DLC1: variants seen among roughly 807,000 people sequenced by gnomAD.
DLC1 encodes rho GTPase-activating protein 7.
In DLC1, 54 loss-of-function variants were observed where a neutral mutation model predicts 140.3. The ratio of observed to expected loss-of-function variants is 0.38; its 90% CI spans 0.31 to 0.48. The LOEUF is 0.48. DLC1 is among the 20% of genes least tolerant of loss of function. DLC1 has a pLI of 0.96. For synonymous variants in DLC1, 986 were observed against 728.1 expected (o/e 1.35, Z -5.70); for missense variants, 2,536 against 1,907.0 (o/e 1.33, Z -6.14).
intron 5 of DLC1, among the ~76,000 whole-genome samples, chr8:13,263,729 T>C (rs541095730): frequency 2.0e-4 from 31 of 151,658 alleles, no homozygotes; most frequent in African/African-American, 7.0e-4. Context: ...AAAGAAAATG[T>C]TCTACCACTT....
At chr8:13,250,577 T>A (rs1291290836) in intron 5 of DLC1, among the ~76,000 whole-genome samples, 1 of 152,214 alleles carries the variant, frequency 6.6e-6, no homozygotes, top group African/African-American at 2.4e-5. Context: ...GAGGATATTT[T>A]AATAATACCA....
intron 5 of DLC1, among the ~76,000 whole-genome samples, chr8:13,197,591 C>T (rs1210892704): frequency 1.3e-5 from 2 of 152,074 alleles, no homozygotes; most frequent in Admixed American, 6.6e-5. Context: ...TGTGATCCTC[C>T]TGCCTCGGCG....
chr8:13,156,515 T>C (rs1824271965), intron 5 of DLC1, among the ~76,000 whole-genome samples: 1 of 152,226 alleles, frequency 6.6e-6, no homozygotes, highest in Admixed American at 6.5e-5. Flanking sequence ...TGGCAAAACC[T>C]ATCAAATATT....
At chr8:13,519,202 A>C (rs1272434565), upstream of DLC1, among the ~76,000 whole-genome samples, 1 of 140,880 alleles carries the variant, frequency 7.1e-6, no homozygotes, top group Non-Finnish European at 1.5e-5. Flanking sequence ...ATCTCGGCTC[A>C]CTGCAAGCTC....
chr8:13,161,513 T>C (rs1824695449), intron 5 of DLC1, among the ~76,000 whole-genome samples: 1 of 152,122 alleles, frequency 6.6e-6, no homozygotes, highest in African/African-American at 2.4e-5. Flanking sequence ...GCTAATTTTT[T>C]ACTTTTTGGT....
Position 13,095,165 on chromosome 8 carries a change from T to G in DLC1, c.3248A>C (p.Asn1083Thr). 1 of 1,614,266 alleles carries G rather than the reference T, an allele frequency of 6.2e-7. No homozygotes were observed. Among genetic ancestry groups the G allele is most frequent in the African/African-American group, 1.3e-5 (1 of 75,074 alleles). ...RSVFGVPLTV[N>T]VQRTGQPLPQ... The stretch of plus-strand genomic sequence containing the variant: ...CAACGGTTGTCCTGTGCGCTGCACG[T>G]TGACCGTCAGTGGGACCCCAAACAC... The change falls in exon 11 of 18, where the codon AAC (asparagine) becomes ACC (threonine). Residue 1083 changes from asparagine (N) to threonine (T), a missense_variant. Transcript: ENST00000276297.
At chr8:13,164,049 C>T (rs149660178) in intron 5 of DLC1, among the ~76,000 whole-genome samples, 3,331 of 152,154 alleles carry the variant, frequency 0.022, 121 homozygotes, top group African/African-American at 0.074. Context: ...GCAATCCCAG[C>T]GCTTTGGGAG....
At chr8:13,384,918 C>T (rs1319919328) in intron 4 of DLC1, among the ~76,000 whole-genome samples, 3 of 139,942 alleles carry the variant, frequency 2.1e-5, no homozygotes, top group Admixed American at 7.3e-5. Flanking sequence ...AGAGGCTGGA[C>T]ATAAAAAAAA....
At chr8:13,604,224 C>G (rs1247991272) in intron 1 of DLC1, among the ~76,000 whole-genome samples, 1 of 152,022 alleles carries the variant, frequency 6.6e-6, no homozygotes, top group Non-Finnish European at 1.5e-5. Flanking sequence ...AATCATCTCT[C>G]CAAAAAATTA....
chr8:13,285,803 A>G (rs1159124942), intron 5 of DLC1, among the ~76,000 whole-genome samples: 1 of 152,112 alleles, frequency 6.6e-6, no homozygotes, highest in Non-Finnish European at 1.5e-5. Flanking sequence ...TACTAAAGAT[A>G]TATAAAAATA....
rs1474587693 is a variant in DLC1, at chr8:13,453,418, ATATATGTG to A, written c.1023+45623_1023+45630del. 1.1e-3 allele frequency among the ~76,000 whole-genome samples: 48 copies of A among 44,224 alleles called. 4 individuals carry two copies. Among genetic ancestry groups the A allele is most frequent in the African/African-American group, 3.3e-3 (26 of 7,948 alleles). The allele number at this position is 44,224 out of a possible 152,430, so 29.0% of individuals were successfully genotyped here. A position where few individuals can be genotyped will look rare whatever the true frequency, so the allele number is the denominator to read the frequency against. ...TATATATATGTGTATATATATATAT[ATATATGTG>A]TATATATATATGTATATATATACAT... On this transcript the variant is annotated intron_variant, in intron 2 of 17. Transcript: ENST00000276297.
At chr8:13,256,492 C>A (rs1043752057) in intron 5 of DLC1, among the ~76,000 whole-genome samples, 5 of 152,098 alleles carry the variant, frequency 3.3e-5, no homozygotes, top group African/African-American at 1.2e-4. Flanking sequence ...CAGTGATAGA[C>A]TGGATAAAGA....
chr8:13,276,363 A>AG, intron 5 of DLC1: 2 of 1,522,606 alleles, frequency 1.3e-6, no homozygotes, highest in East Asian at 2.6e-5. Flanking sequence ...AGGGGCTCGC[A>AG]GGGGGCGCGC....
chr8:13,158,787 T>G (rs1824460417), intron 5 of DLC1, among the ~76,000 whole-genome samples: 1 of 140,016 alleles, frequency 7.1e-6, no homozygotes, highest in South Asian at 2.5e-4. Flanking sequence ...CTCTGTCTTA[T>G]TTTTCTTTGA....
chr8:13,413,256 A>ACTTTTTTTTTTT (rs1491415150), intron 2 of DLC1, among the ~76,000 whole-genome samples: 5 of 82,022 alleles, frequency 6.1e-5, no homozygotes, highest in Admixed American at 1.4e-4. Flanking sequence ...TTTTTTTGCG[A>ACTTTTTTTTTTT]TTTTTTTTTT....
chr8:13,477,689 T>C (rs1211427528), intron 2 of DLC1, among the ~76,000 whole-genome samples: 2 of 152,128 alleles, frequency 1.3e-5, no homozygotes, highest in Non-Finnish European at 2.9e-5. Context: ...ATTTATCATA[T>C]CACTTCTACA....
Position 13,108,668 on chromosome 8 carries a change from G to A in DLC1, c.1502+2074C>T, listed in dbSNP as rs531499347. On this transcript the variant is annotated intron_variant, in intron 7 of 17. Coordinates refer to ENST00000276297, the MANE Select transcript of DLC1 (RefSeq NM_182643.3). ...ACCCAAGAATTCCTAAGCTATTGCT[G>A]CTGTCCAGAGTGCCCACTCTCTAAC... is the stretch of plus-strand genomic sequence containing the variant. 3.9e-4 allele frequency among the ~76,000 whole-genome samples: 59 copies of A among 152,300 alleles called. No individual in the cohort carries two copies. In the South Asian group the frequency reaches 4.4e-3, roughly 11 times the overall value.
rs956773426 is a variant in DLC1 at position 13,095,099 on chromosome 8, T to C, written c.3314A>G (p.His1105Arg). 6.8e-6 allele frequency: 11 copies of C among 1,614,108 alleles called. No individual in the cohort carries two copies. The highest frequency in any genetic ancestry group is 6.7e-5 in the African/African-American group (5 of 74,948). ...CAGCGCTCTCACCTGATCCAAACAA[T>C]GGTTCCGGAGGTATCGCATGGCCTG... ...IQQAMRYLRN[H>R]CLDQVGLFRK... Residue 1105 changes from histidine (H) to arginine (R), a missense_variant, in exon 11 of 18, where the codon CAT becomes CGT. His to Arg is a conservative substitution (Grantham distance 29, BLOSUM62 0). Transcript: ENST00000276297.
intron 5 of DLC1, among the ~76,000 whole-genome samples, chr8:13,250,721 G>A (rs949533556): frequency 1.3e-5 from 2 of 151,034 alleles, no homozygotes; most frequent in Non-Finnish European, 2.9e-5. Context: ...ATTTAAGCAT[G>A]TATTTAAGCA....
Sources: gnomAD v4.1 joint callset for allele counts (sites outside exome capture counted in the v4.1 genomes callset) on GRCh38, gnomAD v4.1.1 for gene constraint, MANE v1.5 for transcripts, NCBI Gene and HGNC (gene_info 2026-07-23, HGNC 2026-07-21) for gene names.